CLNK: variants seen among roughly 807,000 people sequenced by gnomAD.
CLNK encodes cytokine-dependent hematopoietic cell linker.
In CLNK, 74 loss-of-function variants were observed where a neutral mutation model predicts 68.6. The observed-to-expected ratio is 1.08, with a 90% CI of 0.89 to 1.31. The LOEUF (loss-of-function observed/expected upper bound fraction) is 1.31, where lower values mean the gene tolerates loss of function less well. Ranked by LOEUF, CLNK falls within the 50% of genes most tolerant of loss-of-function variation. The pLI is 0.00. For synonymous variants in CLNK, 198 were observed against 172.2 expected (o/e 1.15, Z -1.17); for missense variants, 553 against 515.3 (o/e 1.07, Z -0.71).
At chr4:10,549,253 A>G (rs1213437512) in intron 8 of CLNK, among the ~76,000 whole-genome samples, 1 of 152,226 alleles carries the variant, frequency 6.6e-6, no homozygotes, top group Non-Finnish European at 1.5e-5. Context: ...TAAGAGGTTA[A>G]GGTGAACTTA....
At chr4:10,571,132 G>C (rs761974450) in intron 5 of CLNK, among the ~76,000 whole-genome samples, 1 of 151,976 alleles carries the variant, frequency 6.6e-6, no homozygotes, top group African/African-American at 2.4e-5. Context: ...TTCTCATAAC[G>C]CACTTGCCGG....
the CLNK span, among the ~76,000 whole-genome samples, chr4:10,731,169 A>T: frequency 6.6e-6 from 1 of 152,164 alleles, no homozygotes; most frequent in African/African-American, 2.4e-5. Context: ...ATTAGACCAT[A>T]TTCCTTCTAT....
At chr4:10,493,385 C>T (rs1716672534) in intron 18 of CLNK, among the ~76,000 whole-genome samples, 1 of 152,150 alleles carries the variant, frequency 6.6e-6, no homozygotes, top group Admixed American at 6.5e-5. Flanking sequence ...GTATGTCTCA[C>T]TTTCTGGAGT....
chr4:10,564,933 A>T (rs1481016282), intron 6 of CLNK, among the ~76,000 whole-genome samples, 156 bp from the exon 7 acceptor site: 1 of 152,272 alleles, frequency 6.6e-6, no homozygotes, highest in Non-Finnish European at 1.5e-5. Context: ...AGACTGACGT[A>T]TGCAGAGAAG....
rs139381939 is a variant in CLNK at position 10,554,314 on chromosome 4, T to C, written c.445+4093A>G. On this transcript the variant is annotated intron_variant, in intron 8 of 18. Transcript: ENST00000226951. ...CATGGGGAAGGCCGTACTTTGCTTA[T>C]GTAAAAGGCAGTTCTTGTACATTGC... 3.2e-3 allele frequency among the ~76,000 whole-genome samples: 492 copies of C among 152,342 alleles called. 4 individuals are homozygous for C. Among genetic ancestry groups the C allele is most frequent in the African/African-American group, 0.012 (480 of 41,574 alleles).
At chr4:10,519,445 C>A (rs887412300) in intron 15 of CLNK, among the ~76,000 whole-genome samples, 3 of 152,222 alleles carry the variant, frequency 2.0e-5, no homozygotes, top group African/African-American at 7.2e-5. Flanking sequence ...GGACTTTCCT[C>A]CTGGATGCTC....
chr4:10,523,189 G>T (rs903000249), intron 14 of CLNK, among the ~76,000 whole-genome samples: 1 of 152,320 alleles, frequency 6.6e-6, no homozygotes, highest in South Asian at 2.1e-4. Flanking sequence ...GAGTGACGAT[G>T]GGAAAGAGAG....
chr4:10,515,237 C>T (rs1717779057), intron 15 of CLNK, among the ~76,000 whole-genome samples: 3 of 149,912 alleles, frequency 2.0e-5, no homozygotes, highest in Admixed American at 2.0e-4. Flanking sequence ...GACTCCATCT[C>T]AAAAAAAAAG....
At chr4:10,656,955 G>A (rs954646249) in intron 2 of CLNK, among the ~76,000 whole-genome samples, 3 of 152,088 alleles carry the variant, frequency 2.0e-5, no homozygotes, top group African/African-American at 7.2e-5. Context: ...ACAGACTATA[G>A]AACAATCAGA....
chr4:10,602,123 C>T (rs774364542), intron 2 of CLNK, among the ~76,000 whole-genome samples: 14 of 152,170 alleles, frequency 9.2e-5, no homozygotes, highest in Admixed American at 7.9e-4. Context: ...TTTCACTTTC[C>T]GCATCTCCCT....
At chr4:10,497,554 C>A (rs1233225488) in intron 18 of CLNK, among the ~76,000 whole-genome samples, 1 of 152,178 alleles carries the variant, frequency 6.6e-6, no homozygotes, top group African/African-American at 2.4e-5. Context: ...AATCTATGGC[C>A]TGCCATAGGA....
chr4:10,611,495 T>TAAAA (rs1274936982), intron 2 of CLNK, among the ~76,000 whole-genome samples: 969 of 14,296 alleles, frequency 0.068, 11 homozygotes, highest in African/African-American at 0.096. Flanking sequence ...AGGCTAAGTC[T>TAAAA]GAAAAAAAAA....
chr4:10,498,424 G>A (rs1040477368), intron 18 of CLNK, among the ~76,000 whole-genome samples: 9 of 152,064 alleles, frequency 5.9e-5, no homozygotes, highest in South Asian at 2.1e-4. Flanking sequence ...CCCTGCAGGC[G>A]GAGTTTGCAG....
intron 17 of CLNK, among the ~76,000 whole-genome samples, chr4:10,504,526 C>T (rs1717208357): frequency 1.3e-5 from 2 of 152,302 alleles, no homozygotes; most frequent in South Asian, 4.1e-4. Flanking sequence ...CCTAAAGCAT[C>T]ACGGTTACTA....
chr4:10,675,223 G>C (rs1724820790), intron 1 of CLNK, among the ~76,000 whole-genome samples: 1 of 152,048 alleles, frequency 6.6e-6, no homozygotes. Flanking sequence ...AAGAAAACAG[G>C]GTTCTGCAGA....
At chr4:10,619,684 A>G (rs1384426433) in intron 2 of CLNK, among the ~76,000 whole-genome samples, 6 of 152,250 alleles carry the variant, frequency 3.9e-5, no homozygotes. Flanking sequence ...GATCTCTCTG[A>G]TCTTCAAAAG....
intron 2 of CLNK, among the ~76,000 whole-genome samples, chr4:10,660,450 G>T (rs1436571421): frequency 6.6e-6 from 1 of 152,130 alleles, no homozygotes; most frequent in Non-Finnish European, 1.5e-5. Flanking sequence ...GTTTTTCAAT[G>T]ATTCATTTAG....
intron 1 of CLNK, among the ~76,000 whole-genome samples, chr4:10,682,963 C>T (rs1052159319): frequency 3.3e-5 from 5 of 152,126 alleles, no homozygotes; most frequent in African/African-American, 9.6e-5. Flanking sequence ...AGAATAAAAT[C>T]AGAACTGATT....
chr4:10,699,414 C>A, the CLNK span, among the ~76,000 whole-genome samples: 5 of 135,928 alleles, frequency 3.7e-5, no homozygotes, highest in Admixed American at 3.7e-4. Flanking sequence ...ATGTTCAAGT[C>A]CCTTACATAA....
Sources: gnomAD v4.1 joint callset for allele counts (sites outside exome capture counted in the v4.1 genomes callset) on GRCh38, gnomAD v4.1.1 for gene constraint, MANE v1.5 for transcripts, NCBI Gene and HGNC (gene_info 2026-07-23, HGNC 2026-07-21) for gene names.